Variants in SHISA6 observed in about 807,000 individuals in gnomAD.
The protein encoded by SHISA6 is shisa family member 6, also known as protein shisa-6.
Under a neutral mutation model 47.9 loss-of-function variants are expected in SHISA6, and 22 were observed. The observed-to-expected ratio is 0.46, with a 90% CI of 0.33 to 0.66. SHISA6 has a LOEUF of 0.66. Ranked by LOEUF, SHISA6 falls within the 30% of genes least tolerant of loss-of-function variation. The pLI, the probability that SHISA6 is intolerant of heterozygous loss-of-function variation, is 0.02. For synonymous variants in SHISA6, 388 were observed against 337.8 expected (o/e 1.15, Z -1.63); for missense variants, 680 against 764.6 (o/e 0.89, Z 1.30).
chr17:11,302,321 T>C (rs959797253), intron 2 of SHISA6, among the ~76,000 whole-genome samples: 12 of 152,206 alleles, frequency 7.9e-5, no homozygotes, highest in Non-Finnish European at 1.0e-4. Context: ...CAAAATGTTA[T>C]GCTGGAAGGA....
intron 2 of SHISA6, among the ~76,000 whole-genome samples, chr17:11,266,871 T>C (rs904285488): frequency 3.9e-5 from 6 of 152,260 alleles, no homozygotes; most frequent in East Asian, 1.9e-4. Flanking sequence ...TGAAAGGAAT[T>C]TGTGGAGCTT....
intron 3 of SHISA6, among the ~76,000 whole-genome samples, chr17:11,486,689 C>T (rs949677432): frequency 6.6e-5 from 10 of 152,196 alleles, no homozygotes; most frequent in African/African-American, 1.4e-4. Flanking sequence ...AAGAGTTTTC[C>T]GTCATCCTTC....
intron 3 of SHISA6, chr17:11,380,538 A>G (rs1426628299): frequency 6.6e-6 from 1 of 152,214 alleles, no homozygotes; most frequent in African/African-American, 2.4e-5. Flanking sequence ...AATGGACTTC[A>G]CATTTACTCA....
chr17:11,488,282 C>T (rs908075659), intron 3 of SHISA6, among the ~76,000 whole-genome samples: 2 of 152,108 alleles, frequency 1.3e-5, no homozygotes, highest in African/African-American at 2.4e-5. Flanking sequence ...TCATCACACT[C>T]ACTGGTATGG....
intron 3 of SHISA6, among the ~76,000 whole-genome samples, chr17:11,396,016 A>T (rs1913559892): frequency 6.6e-6 from 1 of 152,200 alleles, no homozygotes; most frequent in Admixed American, 6.5e-5. Context: ...AGATAGATAG[A>T]TACAGATTGA....
At chr17:11,405,671 G>A (rs7225539) in intron 3 of SHISA6, among the ~76,000 whole-genome samples, 5,758 of 152,058 alleles carry the variant, frequency 0.038, 355 homozygotes, top group African/African-American at 0.13. Flanking sequence ...GCGTGGTGGC[G>A]GGTGCCTGTA....
At chr17:11,469,267 C>T (rs1435213453) in intron 3 of SHISA6, among the ~76,000 whole-genome samples, 1 of 151,962 alleles carries the variant, frequency 6.6e-6, no homozygotes, top group East Asian at 1.9e-4. Flanking sequence ...AGGGTCCTTA[C>T]AATAGGGAGG....
Position 11,557,787 on chromosome 17 carries a change from G to A in SHISA6, c.1139G>A (p.Arg380Gln), listed in dbSNP as rs1406616364. Residue 380 changes from arginine (R) to glutamine (Q), a missense_variant, in exon 6 of 6, where the codon CGG becomes CAG. This residue lies in a region of SHISA6 where 559 missense variants were observed against 674.1 expected (regional missense o/e 0.83). Transcript: ENST00000441885. ...DKEADEYYMR[R>Q]RHLPDLAARG... is the part of the protein sequence containing the mutation. ...GAGGCTGACGAGTATTACATGAGAC[G>A]GCGGCACCTGCCCGACCTGGCTGCC... 5 of 1,550,472 alleles carry A rather than the reference G, an allele frequency of 3.2e-6. No homozygotes were observed. The highest frequency in any genetic ancestry group is 2.7e-5 in the African/African-American group (2 of 73,040).
chr17:11,327,896 A>G (rs1478384980), intron 2 of SHISA6, among the ~76,000 whole-genome samples: 1 of 152,152 alleles, frequency 6.6e-6, no homozygotes, highest in African/African-American at 2.4e-5. Flanking sequence ...TTCCCCATTC[A>G]GAAGCATTTT....
At chr17:11,245,292 G>A (rs1350404637) in intron 1 of SHISA6, among the ~76,000 whole-genome samples, 1 of 152,136 alleles carries the variant, frequency 6.6e-6, no homozygotes, top group Non-Finnish European at 1.5e-5. Flanking sequence ...TTTCCCAACC[G>A]GAAGCCCAAT....
chr17:11,321,518 A>C (rs149520802), intron 2 of SHISA6, among the ~76,000 whole-genome samples: 2 of 152,214 alleles, frequency 1.3e-5, no homozygotes, highest in Non-Finnish European at 2.9e-5. Context: ...AAAAGCATCA[A>C]TTACAAAAAC....
chr17:11,396,112 GT>G (rs1913564050), intron 3 of SHISA6, among the ~76,000 whole-genome samples: 1 of 152,098 alleles, frequency 6.6e-6, no homozygotes, highest in Non-Finnish European at 1.5e-5. Context: ...ACTGAATTTT[GT>G]CAAAAGCTTT....
At chr17:11,361,042 C>T in intron 2 of SHISA6, among the ~76,000 whole-genome samples, 1 of 23,302 alleles carries the variant, frequency 4.3e-5, no homozygotes, top group South Asian at 5.5e-3. Flanking sequence ...GATCTTTTTT[C>T]CTGTTTTTTT....
At chr17:11,367,162 T>A (rs1912479722) in intron 2 of SHISA6, among the ~76,000 whole-genome samples, 1 of 151,892 alleles carries the variant, frequency 6.6e-6, no homozygotes, top group Non-Finnish European at 1.5e-5. Context: ...GCTGGGGGAA[T>A]GGGGTGAAGG....
intron 3 of SHISA6, among the ~76,000 whole-genome samples, chr17:11,453,273 G>A (rs1049302854): frequency 1.3e-5 from 2 of 152,180 alleles, no homozygotes; most frequent in African/African-American, 4.8e-5. Context: ...ATTGGCCACA[G>A]AACAGACACT....
chr17:11,471,918 A>C (rs1466231296), intron 3 of SHISA6, among the ~76,000 whole-genome samples: 1 of 152,156 alleles, frequency 6.6e-6, no homozygotes, highest in African/African-American at 2.4e-5. Context: ...CATTCATTAA[A>C]ATTGATACAC....
chr17:11,302,652 A>G (rs186841166), intron 2 of SHISA6, among the ~76,000 whole-genome samples: 1 of 152,310 alleles, frequency 6.6e-6, no homozygotes, highest in East Asian at 1.9e-4. Context: ...GGCCTCTGGA[A>G]CATCTGGACC....
At chr17:11,528,958 C>T (rs375589975) in intron 3 of SHISA6, among the ~76,000 whole-genome samples, 45 of 152,074 alleles carry the variant, frequency 3.0e-4, no homozygotes, top group African/African-American at 1.1e-3. Context: ...TTTGGGAAGC[C>T]GAGGCAGGCA....
intron 1 of SHISA6, among the ~76,000 whole-genome samples, chr17:11,255,678 A>T (rs953052769): frequency 2.6e-5 from 4 of 152,152 alleles, no homozygotes; most frequent in Non-Finnish European, 1.5e-5. Context: ...GGAGTGGGAA[A>T]TATGGGGCGT....
Sources: allele counts gnomAD v4.1 joint callset (sites outside exome capture counted in the v4.1 genomes callset), GRCh38; gene constraint gnomAD v4.1.1; regional missense constraint gnomAD v4.1.1; transcripts MANE v1.5; gene names NCBI Gene and HGNC (gene_info 2026-07-23, HGNC 2026-07-21).